Variants in TRIM24 observed in about 807,000 individuals in gnomAD.
The protein encoded by TRIM24 is transcription intermediary factor 1-alpha.
A neutral mutation model predicts 123.9 loss-of-function variants in TRIM24; 29 were observed. The observed-to-expected ratio is 0.23, with a 90% confidence interval of 0.17 to 0.32. TRIM24 has a LOEUF of 0.32. Among genes scored for constraint, TRIM24 ranks in the 10% least tolerant of loss-of-function variants. The pLI is 1.00. For missense variants in TRIM24, 932 were observed against 1,295.3 expected, an observed-to-expected ratio of 0.72 and a Z score of 4.31; for synonymous variants, 456 against 461.1, an observed-to-expected ratio of 0.99 and a Z score of 0.14.
At chr7:138,567,413 G>C in intron 9 of TRIM24, 68 bp from the exon 10 acceptor site, 1 of 1,417,740 alleles carries the variant, frequency 7.1e-7, no homozygotes, top group Non-Finnish European at 9.5e-7. Flanking sequence ...AGTTTTATAA[G>C]ATAGAGATTT....
At chr7:138,510,636 G>C (rs1197316702) in intron 2 of TRIM24, among the ~76,000 whole-genome samples, 1 of 152,092 alleles carries the variant, frequency 6.6e-6, no homozygotes, top group Non-Finnish European at 1.5e-5. Flanking sequence ...TGCCCAGGCT[G>C]GTCTCGAACT....
intron 14 of TRIM24, 93 bp downstream of exon 14, chr7:138,577,681 A>T: frequency 9.3e-7 from 1 of 1,078,512 alleles, no homozygotes; most frequent in Non-Finnish European, 1.2e-6. Context: ...TTTTAATGTT[A>T]TATTTAAAAG....
intron 4 of TRIM24, among the ~76,000 whole-genome samples, chr7:138,524,278 G>A (rs1796565761): frequency 6.6e-6 from 1 of 152,158 alleles, no homozygotes; most frequent in African/African-American, 2.4e-5. Context: ...CTTAATATTG[G>A]AATATTGAAA....
At chr7:138,523,870 A>G (rs1366571491) in intron 4 of TRIM24, among the ~76,000 whole-genome samples, 3 of 152,164 alleles carry the variant, frequency 2.0e-5, no homozygotes, top group Non-Finnish European at 2.9e-5. Flanking sequence ...CAAAACTGAC[A>G]AGGAATAGAA....
chr7:138,578,563 T>TGTGTGTGTGTGTGTGC (rs145011901), intron 14 of TRIM24, among the ~76,000 whole-genome samples: 2 of 144,988 alleles, frequency 1.4e-5, no homozygotes, highest in African/African-American at 5.2e-5. Context: ...TGTGTGTGTG[T>TGTGTGTGTGTGTGTGC]GCGCGCACGC....
intron 2 of TRIM24, among the ~76,000 whole-genome samples, chr7:138,508,692 T>TGTGTGTGTGC (rs1422176564): frequency 3.3e-4 from 45 of 137,278 alleles, no homozygotes; most frequent in African/African-American, 8.8e-4. Context: ...TGTGTGTGTG[T>TGTGTGTGTGC]GCGCGCGCGT....
At chr7:138,549,460 C>G (rs1353722330) in intron 7 of TRIM24, among the ~76,000 whole-genome samples, 1 of 152,132 alleles carries the variant, frequency 6.6e-6, no homozygotes, top group Non-Finnish European at 1.5e-5. Context: ...GAACCTAAAT[C>G]TATTCTCAGT....
At chr7:138,556,498 T>C (rs1027589793) in intron 9 of TRIM24, 2 of 152,246 alleles carry the variant, frequency 1.3e-5, no homozygotes, top group African/African-American at 4.8e-5. Flanking sequence ...AAGTTTCAGG[T>C]GTTGCTGCTT....
chr7:138,476,580 G>A (rs552141967), intron 1 of TRIM24, among the ~76,000 whole-genome samples: 11 of 145,960 alleles, frequency 7.5e-5, no homozygotes, highest in South Asian at 4.4e-4. Flanking sequence ...GCGACAGAGC[G>A]AGGCTCCGTC....
At chr7:138,561,605 G>A (rs1369726802) in intron 9 of TRIM24, among the ~76,000 whole-genome samples, 1 of 152,184 alleles carries the variant, frequency 6.6e-6, no homozygotes, top group African/African-American at 2.4e-5. Flanking sequence ...GTGGCAGCTA[G>A]TGCTTTGAGG....
intron 9 of TRIM24, among the ~76,000 whole-genome samples, chr7:138,562,024 T>A (rs982403908): frequency 2.0e-5 from 3 of 152,184 alleles, no homozygotes; most frequent in African/African-American, 7.2e-5. Context: ...ATTGTTCCCC[T>A]TGACTTACTT....
chr7:138,476,833 G>T (rs534831533), intron 1 of TRIM24, among the ~76,000 whole-genome samples: 4 of 152,140 alleles, frequency 2.6e-5, no homozygotes, highest in Admixed American at 1.3e-4. Flanking sequence ...AAATAATAAA[G>T]TGAGGCGTGC....
chr7:138,476,947 A>G (rs763117011), intron 1 of TRIM24, among the ~76,000 whole-genome samples: 2 of 152,196 alleles, frequency 1.3e-5, no homozygotes, highest in Non-Finnish European at 2.9e-5. Flanking sequence ...GTGCCGATGT[A>G]AAAAAGGAAT....
At chr7:138,500,488 G>T (rs978913117) in intron 1 of TRIM24, among the ~76,000 whole-genome samples, 2 of 150,718 alleles carry the variant, frequency 1.3e-5, no homozygotes, top group Admixed American at 1.3e-4. Context: ...ACCTGAGCCC[G>T]AGAGGTGGAG....
rs921154678 is a variant in TRIM24, at chr7:138,460,574, T to C, written c.26T>C (p.Val9Ala). 2 of 1,313,902 alleles carry C rather than the reference T, an allele frequency of 1.5e-6. No individual in the cohort carries two copies. Among genetic ancestry groups the C allele is most frequent in the Non-Finnish European group, 1.9e-6 (2 of 1,042,108 alleles). The allele number at this position is 1,313,902 out of a possible 1,614,324, so 81.4% of individuals were successfully genotyped here. MEVAVEKA[V>A]AAAAAASAAA... ...ATGGAGGTGGCGGTGGAGAAGGCGG[T>C]GGCGGCGGCGGCAGCGGCCTCGGCT... The change falls in exon 1 of 19, where the codon GTG becomes GCG. Residue 9 changes from valine to alanine, a missense_variant. By Grantham distance (64) the Val-to-Ala change is moderately conservative. Coordinates refer to ENST00000343526, the MANE Select transcript of TRIM24 (RefSeq NM_015905.3).
At chr7:138,463,055 T>TTG (rs1554429478) in intron 1 of TRIM24, among the ~76,000 whole-genome samples, 5 of 142,594 alleles carry the variant, frequency 3.5e-5, no homozygotes, top group Non-Finnish European at 7.7e-5. Context: ...TTTTTTTTTT[T>TTG]TTTTTTTTTT....
intron 4 of TRIM24, among the ~76,000 whole-genome samples, chr7:138,522,304 C>T (rs1796520757): frequency 6.6e-6 from 1 of 151,264 alleles, no homozygotes; most frequent in Admixed American, 6.6e-5. Flanking sequence ...CCATTGCACC[C>T]TGGCCGAGGC....
At position 138,585,103 on chromosome 7, in the gene TRIM24, C is replaced by T; in HGVS notation, c.*152C>T. The stretch of plus-strand genomic sequence containing the variant: ...ACTAGACTTTGATTTCCTTAATAGC[C>T]CATTTCTGTTAACCTCTTATCACTA... On this transcript the variant is annotated 3_prime_UTR_variant, in exon 19 of 19. Coordinates refer to ENST00000343526, the MANE Select transcript of TRIM24 (RefSeq NM_015905.3). 1.8e-6 allele frequency: 1 copy of T among 550,504 alleles called. No individual in the cohort carries two copies. The highest frequency in any genetic ancestry group is 3.2e-5 in the East Asian group (1 of 31,126). 34.1% of individuals were successfully genotyped at this position (550,504 alleles called of 1,614,324 possible). A position where few individuals can be genotyped will look rare whatever the true frequency, so the allele number is the denominator to read the frequency against.
In TRIM24 at chr7:138,460,845, C is replaced by T. The variant is rs1794945991; in HGVS notation, c.297C>T (p.Ala99=). ...TGCCCGCGCCCATGCTGGGCTCGGC[C>T]GAGACCCCGCCACCCGTCCCTGCCC... ...LMLPAPMLGS[A]ETPPPVPAPG... Residue 99 remains alanine (A), a synonymous_variant, in exon 1 of 19, where the codon GCC becomes GCT. Transcript: ENST00000343526. 4.5e-6 allele frequency: 7 copies of T among 1,565,652 alleles called. No homozygotes were observed. Among genetic ancestry groups the T allele is most frequent in the Non-Finnish European group, 6.0e-6 (7 of 1,163,770 alleles).
Sources: gnomAD v4.1 joint callset for allele counts (sites outside exome capture counted in the v4.1 genomes callset) on GRCh38, gnomAD v4.1.1 for gene constraint, MANE v1.5 for transcripts, NCBI Gene and HGNC (gene_info 2026-07-23, HGNC 2026-07-21) for gene names.